Variants in FGGY observed in about 807,000 individuals in gnomAD.
The protein encoded by FGGY is FGGY carbohydrate kinase domain containing, also known as FGGY carbohydrate kinase domain-containing protein.
Under a neutral mutation model 71.3 loss-of-function variants are expected in FGGY, and 72 were observed. That is an observed-to-expected ratio of 1.01 (90% CI 0.84 to 1.23). FGGY has a LOEUF of 1.23. FGGY is among the 50% of genes most tolerant of loss of function. The pLI, the probability that FGGY is intolerant of heterozygous loss-of-function variation, is 0.00. For missense variants in FGGY, 668 were observed against 682.3 expected, an observed-to-expected ratio of 0.98 and a Z score of 0.23; for synonymous variants, 251 against 250.3, an observed-to-expected ratio of 1.00 and a Z score of -0.02.
intron 1 of FGGY, among the ~76,000 whole-genome samples, chr1:59,304,542 T>C (rs1294524972): frequency 6.6e-6 from 1 of 152,136 alleles, no homozygotes; most frequent in African/African-American, 2.4e-5. Context: ...TTGCTTTAGC[T>C]ATTTGGAGTT....
chr1:59,635,304 G>A (rs1271267289), intron 10 of FGGY, among the ~76,000 whole-genome samples: 1 of 152,168 alleles, frequency 6.6e-6, no homozygotes, highest in East Asian at 1.9e-4. Context: ...CAGCTGCAAG[G>A]AGGTTAGGAG....
intron 14 of FGGY, among the ~76,000 whole-genome samples, chr1:59,718,091 A>G (rs893941743): frequency 6.6e-6 from 1 of 152,198 alleles, no homozygotes; most frequent in African/African-American, 2.4e-5. Flanking sequence ...AGGAGAAAAC[A>G]GGATAGGTGT....
In FGGY at chr1:59,320,183, G is replaced by A. The variant is rs548175772; in HGVS notation, c.-14-1353G>A. Among the ~76,000 whole-genome samples, 8 of 152,254 alleles carry A rather than the reference G, an allele frequency of 5.3e-5. No homozygotes were observed. In the South Asian group the frequency reaches 1.7e-3, roughly 32 times the overall value. ...GCTCATGAGCCACAGAGCCAAAAGG[G>A]GGACAATTCTGTTGGGAAATCATTG... is the stretch of plus-strand genomic sequence containing the variant. On this transcript the variant is annotated intron_variant, in intron 1 of 15. Coordinates refer to ENST00000303721, the MANE Select transcript of FGGY (RefSeq NM_018291.5).
At chr1:59,471,272 C>T (rs1031118684) in intron 6 of FGGY, among the ~76,000 whole-genome samples, 8 of 152,178 alleles carry the variant, frequency 5.3e-5, no homozygotes, top group Non-Finnish European at 7.3e-5. Context: ...TGCCTTCCTT[C>T]CCCCTCTCCT....
intron 5 of FGGY, among the ~76,000 whole-genome samples, chr1:59,455,225 T>C (rs1204757810): frequency 6.6e-6 from 1 of 152,188 alleles, no homozygotes; most frequent in Non-Finnish European, 1.5e-5. Context: ...GATAAAGGTA[T>C]GTCCAGATTG....
intron 6 of FGGY, among the ~76,000 whole-genome samples, chr1:59,472,416 C>T (rs1379125923): frequency 6.6e-6 from 1 of 152,216 alleles, no homozygotes; most frequent in African/African-American, 2.4e-5. Context: ...CGAGCGCCGC[C>T]CCCTGCTCCA....
chr1:59,589,237 C>A (rs1417163858), intron 8 of FGGY, among the ~76,000 whole-genome samples: 3 of 151,606 alleles, frequency 2.0e-5, no homozygotes, highest in Admixed American at 6.6e-5. Flanking sequence ...CAAGAGCTAA[C>A]CATCCTAAAT....
chr1:59,544,923 C>T (rs1431566203), intron 7 of FGGY, among the ~76,000 whole-genome samples: 1 of 152,180 alleles, frequency 6.6e-6, no homozygotes, highest in Non-Finnish European at 1.5e-5. Flanking sequence ...TCTTTTGTCT[C>T]AGGGTGTACT....
chr1:59,711,346 G>A (rs768721732), intron 14 of FGGY, among the ~76,000 whole-genome samples: 35 of 152,214 alleles, frequency 2.3e-4, no homozygotes, highest in Admixed American at 9.2e-4. Context: ...TGTAGACAAC[G>A]GGTCGGTGGG....
intron 8 of FGGY, among the ~76,000 whole-genome samples, chr1:59,565,980 T>C (rs1300819551): frequency 6.6e-6 from 1 of 152,170 alleles, no homozygotes; most frequent in African/African-American, 2.4e-5. Context: ...AGTACCAAAT[T>C]TGGCAATGTG....
intron 5 of FGGY, among the ~76,000 whole-genome samples, chr1:59,412,773 A>G (rs778592520): frequency 6.6e-6 from 1 of 152,270 alleles, no homozygotes; most frequent in Non-Finnish European, 1.5e-5. Flanking sequence ...AATAAAACCA[A>G]TTCAGCTGAA....
At chr1:59,586,168 G>C (rs192315049) in intron 8 of FGGY, among the ~76,000 whole-genome samples, 130 of 152,258 alleles carry the variant, frequency 8.5e-4, no homozygotes, top group African/African-American at 3.0e-3. Flanking sequence ...GGGTATATAC[G>C]CAAAGGATTA....
intron 6 of FGGY, among the ~76,000 whole-genome samples, chr1:59,468,587 T>A (rs2153539568): frequency 6.6e-6 from 1 of 152,204 alleles, no homozygotes; most frequent in East Asian, 1.9e-4. Flanking sequence ...AAGTAAAGAA[T>A]CTTGGCTGGG....
intron 8 of FGGY, among the ~76,000 whole-genome samples, chr1:59,576,711 C>T (rs1172343877): frequency 1.3e-5 from 2 of 148,642 alleles, no homozygotes; most frequent in African/African-American, 4.9e-5. Flanking sequence ...CACACACACA[C>T]ACATTTCCTT....
chr1:59,479,381 G>T (rs556289993), intron 6 of FGGY, among the ~76,000 whole-genome samples: 32 of 152,328 alleles, frequency 2.1e-4, no homozygotes, highest in Admixed American at 1.8e-3. Context: ...AGATTTGCTT[G>T]AGCATGTCTG....
intron 8 of FGGY, among the ~76,000 whole-genome samples, chr1:59,606,971 TA>T (rs2096629894): frequency 6.6e-6 from 1 of 152,224 alleles, no homozygotes; most frequent in Non-Finnish European, 1.5e-5. Context: ...CAGCACCCAA[TA>T]GGGGGACAGG....
intron 8 of FGGY, among the ~76,000 whole-genome samples, chr1:59,587,403 C>T (rs571378452): frequency 2.8e-4 from 42 of 152,218 alleles, no homozygotes; most frequent in South Asian, 8.3e-4. Flanking sequence ...TAACCCCTGC[C>T]GACTTAAATG....
At chr1:59,603,012 T>C (rs919027053) in intron 8 of FGGY, among the ~76,000 whole-genome samples, 1 of 152,176 alleles carries the variant, frequency 6.6e-6, no homozygotes, top group African/African-American at 2.4e-5. Context: ...CCAAAGTTTT[T>C]ATTACTGTTT....
intron 14 of FGGY, among the ~76,000 whole-genome samples, chr1:59,724,761 G>A (rs1341500162): frequency 2.0e-5 from 3 of 151,984 alleles, no homozygotes; most frequent in Non-Finnish European, 4.4e-5. Flanking sequence ...TATATTATGT[G>A]CCATCTATAT....
Sources: allele counts gnomAD v4.1 joint callset (sites outside exome capture counted in the v4.1 genomes callset), GRCh38; gene constraint gnomAD v4.1.1; transcripts MANE v1.5; gene names NCBI Gene and HGNC (gene_info 2026-07-23, HGNC 2026-07-21).